CRYBG3: variants seen among roughly 807,000 people sequenced by gnomAD.
The protein encoded by CRYBG3 is very large A-kinase anchor protein.
CRYBG3 carries 127 observed loss-of-function variants against 244.2 expected under a neutral mutation model. The ratio of observed to expected loss-of-function variants is 0.52; its 90% CI spans 0.45 to 0.60. CRYBG3 has a LOEUF of 0.60. CRYBG3 is among the 20% of genes least tolerant of loss of function. The probability of loss-of-function intolerance (pLI) is 0.00; values close to 1 mark genes in which losing one functional copy is unlikely to be tolerated. For missense variants in CRYBG3, 3,325 were observed against 3,442.5 expected, an observed-to-expected ratio of 0.97 and a Z score of 0.85; for synonymous variants, 1,132 against 1,195.8, an observed-to-expected ratio of 0.95 and a Z score of 1.10.
intron 19 of CRYBG3, among the ~76,000 whole-genome samples, chr3:97,940,393 T>C (rs2040214283): frequency 6.6e-6 from 1 of 152,060 alleles, no homozygotes; most frequent in Admixed American, 6.6e-5. Flanking sequence ...ACTTTCTTAA[T>C]AGGTTTTTGT....
In CRYBG3 at chr3:97,828,086, A is replaced by G. The variant is rs372045773; in HGVS notation, c.149+5731A>G. Among the ~76,000 whole-genome samples the G allele has an allele frequency of 1.9e-4, 29 of 152,332 alleles. No individual in the cohort carries two copies. The Middle Eastern group carries it at 0.01, about 54-fold the overall frequency. ...TATATTTAAATACAAAGAAAGGGTCAGTCTCCTTCAAAAGAGAGTTTCAGA... is the reference window on the plus strand; with the variant it reads ...TATATTTAAATACAAAGAAAGGGTCGGTCTCCTTCAAAAGAGAGTTTCAGA... On this transcript the variant is annotated intron_variant, in intron 1 of 21. Coordinates refer to ENST00000389622, the MANE Select transcript of CRYBG3 (RefSeq NM_153605.4).
Position 97,908,459 on chromosome 3 carries a change from A to T in CRYBG3, c.8005-3708A>T, listed in dbSNP as rs546275230. On this transcript the variant is annotated intron_variant, in intron 15 of 21. Coordinates refer to ENST00000389622, the MANE Select transcript of CRYBG3 (RefSeq NM_153605.4). ...TATTGGGTGCATATATATTTAGGAC[A>T]GTTAGCTCTTCTTGTTGAATTGATC... Among the ~76,000 whole-genome samples the T allele has an allele frequency of 2.0e-5, 3 of 152,316 alleles. No homozygotes were observed. In the South Asian group the frequency reaches 6.2e-4, roughly 32 times the overall value.
intron 1 of CRYBG3, among the ~76,000 whole-genome samples, chr3:97,836,180 C>T (rs2038730385): frequency 6.6e-6 from 1 of 152,046 alleles, no homozygotes; most frequent in South Asian, 2.1e-4. Context: ...AAGTCTCAGA[C>T]TGTGAAGCAA....
intron 2 of CRYBG3, among the ~76,000 whole-genome samples, chr3:97,844,839 G>T (rs949072938): frequency 2.6e-5 from 4 of 152,122 alleles, no homozygotes; most frequent in Non-Finnish European, 4.4e-5. Context: ...GAGTGCCGAG[G>T]ATAATTTCAT....
intron 17 of CRYBG3, among the ~76,000 whole-genome samples, chr3:97,918,923 C>G (rs140269646): frequency 6.6e-6 from 1 of 152,290 alleles, no homozygotes; most frequent in East Asian, 1.9e-4. Context: ...CACTCACATT[C>G]TGTTTCCAAA....
At chr3:97,898,459 G>A (rs906136001) in intron 12 of CRYBG3, among the ~76,000 whole-genome samples, 11 of 151,704 alleles carry the variant, frequency 7.3e-5, no homozygotes, top group Admixed American at 1.3e-4. Flanking sequence ...AGCATTTTTT[G>A]TTAAGCAAAT....
chr3:97,865,230 A>C (rs1415983038), intron 3 of CRYBG3, among the ~76,000 whole-genome samples: 1 of 152,162 alleles, frequency 6.6e-6, no homozygotes, highest in Non-Finnish European at 1.5e-5. Flanking sequence ...GTAATTAAGG[A>C]ATGTTTATAA....
intron 10 of CRYBG3, among the ~76,000 whole-genome samples, chr3:97,890,072 A>G (rs150991638): frequency 7.2e-4 from 110 of 152,280 alleles, no homozygotes; most frequent in African/African-American, 2.4e-3. Context: ...AGCAAGATGC[A>G]ACTCCTTCAA....
In CRYBG3 at chr3:97,943,449, G is replaced by A; in HGVS notation, c.*135G>A. The A allele has an allele frequency of 1.6e-6, 1 of 634,528 alleles. No individual in the cohort carries two copies. The highest frequency in any genetic ancestry group is 2.8e-6 in the Non-Finnish European group (1 of 362,284). 39.3% of individuals were successfully genotyped at this position (634,528 alleles called of 1,614,324 possible). A position where few individuals can be genotyped will look rare whatever the true frequency, so the allele number is the denominator to read the frequency against. On this transcript the variant is annotated 3_prime_UTR_variant, in exon 22 of 22. Coordinates refer to ENST00000389622, the MANE Select transcript of CRYBG3 (RefSeq NM_153605.4). ...CTGAGCAGAATGAACATTTTCTCCA[G>A]CCTCTGAGACTATCGCTCTTAACCA...
rs1397640413 is a variant in CRYBG3, at chr3:97,876,151, G to A, written c.4957G>A (p.Gly1653Arg). ...VKNIHQKDAEGDIVKTEMTPV... is the reference protein window; with the variant it reads ...VKNIHQKDAERDIVKTEMTPV... ...AAATATCCACCAAAAGGATGCTGAAGGGGATATTGTAAAGACTGAGATGAC... is the reference window on the plus strand; with the variant it reads ...AAATATCCACCAAAAGGATGCTGAAAGGGATATTGTAAAGACTGAGATGAC... The change falls in exon 4 of 22, where the codon GGG becomes AGG. Residue 1653 changes from glycine (G) to arginine (R), a missense_variant. Gly to Arg is a moderately radical substitution (Grantham distance 125, BLOSUM62 -2). Around this residue, in one of 4 missense-constraint regions of CRYBG3, gnomAD observed 635 missense variants for 771.7 expected, o/e 0.82. Transcript: ENST00000389622. 8.1e-7 allele frequency: 1 copy of A among 1,231,918 alleles called. No homozygotes were observed. The allele number at this position is 1,231,918 out of a possible 1,614,324, so 76.3% of individuals were successfully genotyped here. A position where few individuals can be genotyped will look rare whatever the true frequency, so the allele number is the denominator to read the frequency against.
At chr3:97,834,304 A>G (rs2038698518) in intron 1 of CRYBG3, among the ~76,000 whole-genome samples, 1 of 152,134 alleles carries the variant, frequency 6.6e-6, no homozygotes, top group Non-Finnish European at 1.5e-5. Context: ...AAGGAAAAAT[A>G]TTTTCTATGT....
chr3:97,890,646 C>A (rs1037120328), intron 10 of CRYBG3, among the ~76,000 whole-genome samples: 3 of 152,098 alleles, frequency 2.0e-5, no homozygotes, highest in African/African-American at 7.2e-5. Flanking sequence ...TGGAAAAGTG[C>A]AGGATTGGTA....
At position 97,872,354 on chromosome 3, in the gene CRYBG3, G is replaced by GT; in HGVS notation, c.1161dup (p.Asn388Ter). On this transcript the variant is annotated frameshift_variant, in exon 4 of 22. Coordinates refer to ENST00000389622, the MANE Select transcript of CRYBG3 (RefSeq NM_153605.4). LOFTEE classifies it high-confidence loss of function. ...GTATGTTCAGCATTGTTAACAGGAAGTAACCATCGCAAAGTCCCTTGCAGC... is the reference window on the plus strand; with the variant it reads ...GTATGTTCAGCATTGTTAACAGGAAGTTAACCATCGCAAAGTCCCTTGCAGC... The GT allele has an allele frequency of 6.5e-7, 1 of 1,535,958 alleles. No homozygotes were observed. The highest frequency in any genetic ancestry group is 8.7e-7 in the Non-Finnish European group (1 of 1,146,824).
At position 97,910,606 on chromosome 3, in the gene CRYBG3, T is replaced by C. The variant is rs111865326; in HGVS notation, c.8005-1561T>C. 5.9e-5 allele frequency among the ~76,000 whole-genome samples: 9 copies of C among 152,256 alleles called. 1 individual carries two copies. The highest frequency in any genetic ancestry group is 2.2e-4 in the African/African-American group (9 of 41,558). On this transcript the variant is annotated intron_variant, in intron 15 of 21. Coordinates refer to ENST00000389622, the MANE Select transcript of CRYBG3 (RefSeq NM_153605.4). ...GAGGCAATGCCTCTCCCTGCTTCGG[T>C]TCGCGCACGGTGCACGCACCCATGA...
chr3:97,835,521 G>A (rs1197139747), intron 1 of CRYBG3, among the ~76,000 whole-genome samples: 3 of 152,116 alleles, frequency 2.0e-5, no homozygotes, highest in Non-Finnish European at 2.9e-5. Context: ...CAGAGACACA[G>A]AATTAGAGGA....
chr3:97,865,720 T>C (rs2039221592), intron 3 of CRYBG3, among the ~76,000 whole-genome samples: 2 of 152,162 alleles, frequency 1.3e-5, no homozygotes, highest in African/African-American at 4.8e-5. Context: ...TAGAATATGA[T>C]GGCATTATGT....
At position 97,877,966 on chromosome 3, in the gene CRYBG3, A is replaced by T. The variant is rs1279371246; in HGVS notation, c.6772A>T (p.Ile2258Phe). The change falls in exon 4 of 22, where the codon ATT becomes TTT. Residue 2258 changes from isoleucine to phenylalanine, a missense_variant. Transcript: ENST00000389622. ...AGAAAAAGGAGCCAGATTTGGTGGA[A>T]TTTTTCAGGAACCAGTGTCAAAATA... ...SSEKGARFGG[I>F]FQEPVSKYFR... is the part of the protein sequence containing the mutation. 2.5e-6 allele frequency: 4 copies of T among 1,614,112 alleles called. No individual in the cohort carries two copies. Among genetic ancestry groups the T allele is most frequent in the Non-Finnish European group, 3.4e-6 (4 of 1,179,988 alleles).
intron 2 of CRYBG3, among the ~76,000 whole-genome samples, chr3:97,853,889 ACT>A (rs1296058396): frequency 1.3e-5 from 2 of 151,832 alleles, no homozygotes; most frequent in Non-Finnish European, 2.9e-5. Flanking sequence ...TTAGTGATGA[ACT>A]CTCTGCCTAA....
intron 3 of CRYBG3, among the ~76,000 whole-genome samples, chr3:97,869,416 G>T (rs2039274904): frequency 6.6e-6 from 1 of 152,132 alleles, no homozygotes; most frequent in Non-Finnish European, 1.5e-5. Context: ...ACAATAGGAA[G>T]ATTCATATGT....
Sources: gnomAD v4.1 joint callset for allele counts (sites outside exome capture counted in the v4.1 genomes callset) on GRCh38, gnomAD v4.1.1 for gene constraint, gnomAD v4.1.1 regional missense constraint, MANE v1.5 for transcripts, NCBI Gene and HGNC (gene_info 2026-07-23, HGNC 2026-07-21) for gene names.